The following CSMD1 variants were observed in gnomAD, a reference collection of about 807,000 sequenced individuals.
CSMD1 encodes the protein CUB and Sushi multiple domains 1.
In CSMD1, 213 loss-of-function variants were observed where a neutral mutation model predicts 417.5. The ratio of observed to expected loss-of-function variants is 0.51; its 90% CI spans 0.46 to 0.57. The LOEUF (loss-of-function observed/expected upper bound fraction) is 0.57, where lower values mean the gene tolerates loss of function less well. Among genes scored for constraint, CSMD1 ranks in the 20% least tolerant of loss-of-function variants. The probability of loss-of-function intolerance (pLI) is 0.00; values close to 1 mark genes in which losing one functional copy is unlikely to be tolerated. For synonymous variants in CSMD1, 2,862 were observed against 1,736.8 expected (o/e 1.65, Z -16.11); for missense variants, 6,923 against 4,529.7 (o/e 1.53, Z -15.17).
chr8:4,692,760 C>T (rs1253164832), intron 1 of CSMD1, among the ~76,000 whole-genome samples: 4 of 152,200 alleles, frequency 2.6e-5, no homozygotes, highest in Non-Finnish European at 5.9e-5. Context: ...ATGCCTAATT[C>T]TAGTTCCTAT....
chr8:3,673,279 C>T (rs889737734), intron 7 of CSMD1, among the ~76,000 whole-genome samples: 1 of 152,154 alleles, frequency 6.6e-6, no homozygotes, highest in Non-Finnish European at 1.5e-5. Flanking sequence ...CTCTTTTTCT[C>T]AAATCCGTAT....
At chr8:3,302,326 C>T (rs1400646289) in intron 25 of CSMD1, among the ~76,000 whole-genome samples, 1 of 152,104 alleles carries the variant, frequency 6.6e-6, no homozygotes, top group Non-Finnish European at 1.5e-5. Flanking sequence ...GGAATATCTC[C>T]ATCGTTCTCA....
chr8:4,068,125 T>C (rs1464920068), intron 3 of CSMD1, among the ~76,000 whole-genome samples: 2 of 152,132 alleles, frequency 1.3e-5, no homozygotes, highest in East Asian at 1.9e-4. Flanking sequence ...GAGTGTCTTC[T>C]TGCAGAGCCA....
chr8:4,683,860 A>G (rs1806197733), intron 1 of CSMD1, among the ~76,000 whole-genome samples: 1 of 152,260 alleles, frequency 6.6e-6, no homozygotes, highest in Non-Finnish European at 1.5e-5. Context: ...GAATCTGTTC[A>G]TTTGGATCAC....
chr8:2,994,210 T>A (rs1390850625), intron 54 of CSMD1, among the ~76,000 whole-genome samples: 2 of 130,072 alleles, frequency 1.5e-5, no homozygotes, highest in Non-Finnish European at 3.3e-5. Context: ...AGAAAGAAAG[T>A]AAGAAAACAA....
At chr8:3,133,326 C>T (rs1817896787) in intron 41 of CSMD1, among the ~76,000 whole-genome samples, 1 of 152,186 alleles carries the variant, frequency 6.6e-6, no homozygotes, top group Non-Finnish European at 1.5e-5. Context: ...CTTTCCACTA[C>T]CCTCCGGGGA....
chr8:4,437,708 T>C (rs1437602333), intron 2 of CSMD1, among the ~76,000 whole-genome samples: 1 of 152,188 alleles, frequency 6.6e-6, no homozygotes, highest in Non-Finnish European at 1.5e-5. Context: ...AATAAGATTC[T>C]ACTATCTTAT....
chr8:4,965,641 A>G (rs11997955), intron 1 of CSMD1, among the ~76,000 whole-genome samples: 2,094 of 152,332 alleles, frequency 0.014, 46 homozygotes, highest in African/African-American at 0.047. Context: ...CTGTAGCTGT[A>G]TAAGTGGAAT....
At chr8:4,842,943 G>A (rs1450476316) in intron 1 of CSMD1, among the ~76,000 whole-genome samples, 1 of 152,210 alleles carries the variant, frequency 6.6e-6, no homozygotes, top group Admixed American at 6.5e-5. Flanking sequence ...ACCAGTGTAT[G>A]TGAAAATCAG....
intron 1 of CSMD1, among the ~76,000 whole-genome samples, chr8:4,893,921 G>C (rs1006322293): frequency 6.6e-6 from 1 of 151,952 alleles, no homozygotes; most frequent in Admixed American, 6.5e-5. Flanking sequence ...TGTCTTTTTC[G>C]CAAAATGTTG....
At chr8:3,053,046 T>C (rs1811972168) in intron 49 of CSMD1, among the ~76,000 whole-genome samples, 2 of 152,218 alleles carry the variant, frequency 1.3e-5, no homozygotes, top group Admixed American at 1.3e-4. Context: ...CCTCCCAAAG[T>C]GCTGGGATTA....
intron 23 of CSMD1, among the ~76,000 whole-genome samples, chr8:3,321,753 TA>T: frequency 6.6e-6 from 1 of 152,344 alleles, no homozygotes; most frequent in East Asian, 1.9e-4. Flanking sequence ...CAAAGTGTTA[TA>T]AAAACACAAA....
chr8:4,186,871 C>A (rs1203967051), intron 3 of CSMD1, among the ~76,000 whole-genome samples: 1 of 151,106 alleles, frequency 6.6e-6, no homozygotes, highest in African/African-American at 2.4e-5. Context: ...TGTTGAGTGC[C>A]TGTAGTCCCA....
At chr8:4,561,654 C>A (rs1214094049) in intron 2 of CSMD1, among the ~76,000 whole-genome samples, 1 of 151,954 alleles carries the variant, frequency 6.6e-6, no homozygotes, top group Non-Finnish European at 1.5e-5. Context: ...TGCAATCCAG[C>A]CTGGATGACA....
chr8:4,038,972 C>G (rs1797752811), intron 3 of CSMD1, among the ~76,000 whole-genome samples: 2 of 152,196 alleles, frequency 1.3e-5, no homozygotes, highest in Non-Finnish European at 2.9e-5. Context: ...GCTATCACAT[C>G]AAACCTTTAA....
At chr8:3,642,975 C>T (rs1299579125) in intron 7 of CSMD1, among the ~76,000 whole-genome samples, 2 of 151,434 alleles carry the variant, frequency 1.3e-5, no homozygotes, top group African/African-American at 4.9e-5. Flanking sequence ...AAATTCAGGA[C>T]ACAGAATTAA....
chr8:3,749,855 G>A (rs983565418), intron 6 of CSMD1, among the ~76,000 whole-genome samples: 5 of 152,026 alleles, frequency 3.3e-5, no homozygotes, highest in East Asian at 1.9e-4. Context: ...GTGGTTCGCG[G>A]TGGTTGACAA....
At chr8:4,435,619 G>C (rs956181358) in intron 2 of CSMD1, among the ~76,000 whole-genome samples, 7 of 152,206 alleles carry the variant, frequency 4.6e-5, no homozygotes, top group Non-Finnish European at 8.8e-5. Context: ...ATGAGTGAAT[G>C]GTGGAAGCTA....
At chr8:4,551,507 T>TTGAA (rs779312529) in intron 2 of CSMD1, among the ~76,000 whole-genome samples, 17 of 152,126 alleles carry the variant, frequency 1.1e-4, no homozygotes, top group Non-Finnish European at 2.1e-4. Flanking sequence ...CAACTTGAAA[T>TTGAA]TGAATGCTAC....
Sources: allele counts gnomAD v4.1 joint callset (sites outside exome capture counted in the v4.1 genomes callset), GRCh38; gene constraint gnomAD v4.1.1; transcripts MANE v1.5; gene names NCBI Gene and HGNC (gene_info 2026-07-23, HGNC 2026-07-21).